The following PTPN14 variants were observed in gnomAD, a reference collection of about 807,000 sequenced individuals.
PTPN14 encodes the protein protein tyrosine phosphatase non-receptor type 14.
In PTPN14, 53 loss-of-function variants were observed where a neutral mutation model predicts 126.8. The observed-to-expected ratio is 0.42, with a 90% CI of 0.34 to 0.53. The LOEUF is 0.53. Ranked by LOEUF, PTPN14 falls within the 20% of genes least tolerant of loss-of-function variation. The pLI, the probability that PTPN14 is intolerant of heterozygous loss-of-function variation, is 0.08. For missense variants in PTPN14, 1,257 were observed against 1,552.9 expected (o/e 0.81, Z 3.20); for synonymous variants, 630 against 599.3 (o/e 1.05, Z -0.75).
chr1:214,436,546 C>T (rs1316021862), intron 3 of PTPN14, among the ~76,000 whole-genome samples: 1 of 152,060 alleles, frequency 6.6e-6, no homozygotes, highest in Non-Finnish European at 1.5e-5. Flanking sequence ...CCTGTAATCC[C>T]AGCACTTTGG....
Position 214,376,265 on chromosome 1 carries a change from G to T in PTPN14, c.2861C>A (p.Pro954Gln). ...PYEENRVELI[P>Q]TKENNTGYIN... ...GTATCCTGTGTTATTTTCTTTGGTT[G>T]GTATCAGCTCTACTCGATTCTCCTC... The change falls in exon 15 of 19, where the codon CCA becomes CAA. Residue 954 changes from proline to glutamine, a missense_variant. Coordinates refer to ENST00000366956, the MANE Select transcript of PTPN14 (RefSeq NM_005401.5). 6.2e-7 allele frequency: 1 copy of T among 1,614,122 alleles called. No individual in the cohort carries two copies. Among genetic ancestry groups the T allele is most frequent in the South Asian group, 1.1e-5 (1 of 91,082 alleles).
chr1:214,430,054 A>C (rs1301812092), intron 3 of PTPN14, among the ~76,000 whole-genome samples: 1 of 152,192 alleles, frequency 6.6e-6, no homozygotes, highest in Non-Finnish European at 1.5e-5. Context: ...AACTTTAAGA[A>C]ATTCTTTAGC....
At chr1:214,381,896 G>A (rs1658480903) in intron 13 of PTPN14, among the ~76,000 whole-genome samples, 1 of 152,112 alleles carries the variant, frequency 6.6e-6, no homozygotes, top group Admixed American at 6.5e-5. Flanking sequence ...ATGGCAAGCA[G>A]CAATGGAGAT....
At chr1:214,445,727 C>A (rs1276929751) in intron 3 of PTPN14, among the ~76,000 whole-genome samples, 1 of 151,966 alleles carries the variant, frequency 6.6e-6, no homozygotes, top group Admixed American at 6.6e-5. Flanking sequence ...TTGGAAAAAC[C>A]CCAGACCTAA....
intron 1 of PTPN14, among the ~76,000 whole-genome samples, chr1:214,467,451 T>C (rs1317680424): frequency 6.6e-6 from 1 of 152,228 alleles, no homozygotes; most frequent in African/African-American, 2.4e-5. Context: ...TACGCATTTA[T>C]CCCAGCAAAA....
intron 6 of PTPN14, among the ~76,000 whole-genome samples, chr1:214,402,650 GAA>G (rs1167745832): frequency 2.1e-5 from 2 of 94,582 alleles, no homozygotes; most frequent in African/African-American, 7.3e-5. Context: ...AGGAAGGAAG[GAA>G]GGAAGGAAGG....
At chr1:214,512,852 G>A (rs931001087) in intron 1 of PTPN14, among the ~76,000 whole-genome samples, 4 of 151,956 alleles carry the variant, frequency 2.6e-5, no homozygotes, top group Non-Finnish European at 4.4e-5. Flanking sequence ...CATCATGCCC[G>A]GTTAATTTTT....
At position 214,355,028 on chromosome 1, in the gene PTPN14, T is replaced by A. The variant is rs1004588776; in HGVS notation, c.*2894A>T. 1.3e-5 allele frequency: 2 copies of A among 152,204 alleles called. No homozygotes were observed. The highest frequency in any genetic ancestry group is 2.4e-5 in the African/African-American group (1 of 41,456). The allele number at this position is 152,204 out of a possible 1,614,324, so 9.4% of individuals were successfully genotyped here. A position where few individuals can be genotyped will look rare whatever the true frequency, so the allele number is the denominator to read the frequency against. On this transcript the variant is annotated 3_prime_UTR_variant, in exon 19 of 19. Transcript: ENST00000366956. ...TAATTTAACAGGAGATATGTTGGCATTTACTGGAGATGTGAAAAGGAATGC... is the reference window on the plus strand; with the variant it reads ...TAATTTAACAGGAGATATGTTGGCAATTACTGGAGATGTGAAAAGGAATGC...
chr1:214,498,133 T>C (rs1654581838), intron 1 of PTPN14, among the ~76,000 whole-genome samples: 1 of 152,248 alleles, frequency 6.6e-6, no homozygotes. Context: ...GAAGTATTTC[T>C]TATTTAAAAC....
Position 214,357,690 on chromosome 1 carries a change from T to G in PTPN14, c.*232A>C. 1 of 390,798 alleles carries G rather than the reference T, an allele frequency of 2.6e-6. No individual in the cohort carries two copies. The allele number at this position is 390,798 out of a possible 1,614,324, so 24.2% of individuals were successfully genotyped here. A position where few individuals can be genotyped will look rare whatever the true frequency, so the allele number is the denominator to read the frequency against. On this transcript the variant is annotated 3_prime_UTR_variant, in exon 19 of 19. Transcript: ENST00000366956. ...GTTCAAATGAAAAGTACTATATTAC[T>G]AGGGAAACTGCATTATAATAATTCA...
chr1:214,497,884 G>A (rs1654574063), intron 1 of PTPN14, among the ~76,000 whole-genome samples: 1 of 152,062 alleles, frequency 6.6e-6, no homozygotes, highest in Non-Finnish European at 1.5e-5. Context: ...ATATCAGCAT[G>A]TTGCTGTCAA....
chr1:214,352,683 T>C lies in PTPN14; in HGVS notation c.*5239A>G, dbSNP rs181246176. Reference sequence around the variant, plus strand: ...ATCTTACAGCTTTATTTCCACCCTATAGGGCCAACTAGTGTGCCAACCATA... The same window carrying C: ...ATCTTACAGCTTTATTTCCACCCTACAGGGCCAACTAGTGTGCCAACCATA... On this transcript the variant is annotated 3_prime_UTR_variant, in exon 19 of 19. Coordinates refer to ENST00000366956, the MANE Select transcript of PTPN14 (RefSeq NM_005401.5). The C allele has an allele frequency of 2.0e-5, 3 of 152,326 alleles. No individual in the cohort carries two copies. Among genetic ancestry groups the C allele is most frequent in the African/African-American group, 7.2e-5 (3 of 41,574 alleles). The allele number at this position is 152,326 out of a possible 1,614,324, so 9.4% of individuals were successfully genotyped here.
At chr1:214,447,545 T>C (rs1048455269) in intron 3 of PTPN14, among the ~76,000 whole-genome samples, 1 of 150,198 alleles carries the variant, frequency 6.7e-6, no homozygotes, top group African/African-American at 2.4e-5. Context: ...ATTCTTTTCT[T>C]CCTAACAACT....
intron 1 of PTPN14, among the ~76,000 whole-genome samples, chr1:214,472,102 C>T (rs1049181869): frequency 6.6e-6 from 1 of 152,192 alleles, no homozygotes. Context: ...GAGCTTTATA[C>T]ATGGCAGGAA....
Position 214,384,191 on chromosome 1 carries a change from G to A in PTPN14, c.1664C>T (p.Thr555Met), listed in dbSNP as rs776055399. The change falls in exon 13 of 19, where the codon ACG becomes ATG. Residue 555 changes from threonine (T) to methionine (M), a missense_variant. Around this residue, in one of 3 missense-constraint regions of PTPN14, gnomAD observed 1,021 missense variants for 1,183.3 expected, o/e 0.86. Transcript: ENST00000366956. The surrounding 1 kb of genome is among the most constrained non-coding windows in gnomAD (Gnocchi z 5.3). ...GAGATAGTTCTTAAGCATGTGGGCCGTGCTGTAGTTATGGCTGCCCTGCAG... is the reference window on the plus strand; with the variant it reads ...GAGATAGTTCTTAAGCATGTGGGCCATGCTGTAGTTATGGCTGCCCTGCAG... ...MQLQGSHNYSTAHMLKNYLFR... is the reference protein window; with the variant it reads ...MQLQGSHNYSMAHMLKNYLFR... 1.1e-5 allele frequency: 17 copies of A among 1,609,176 alleles called. No individual in the cohort carries two copies. The highest frequency in any genetic ancestry group is 6.7e-5 in the East Asian group (3 of 44,876).
At chr1:214,405,824 G>A (rs998522775) in intron 5 of PTPN14, among the ~76,000 whole-genome samples, 1 of 152,088 alleles carries the variant, frequency 6.6e-6, no homozygotes, top group Non-Finnish European at 1.5e-5. Flanking sequence ...TGCTTACAAC[G>A]AAATTAGGCT....
chr1:214,429,029 A>C (rs2102604433), intron 3 of PTPN14, among the ~76,000 whole-genome samples: 1 of 152,296 alleles, frequency 6.6e-6, no homozygotes, highest in African/African-American at 2.4e-5. Context: ...TACATTAGTA[A>C]ACTAAGTCCA....
intron 1 of PTPN14, among the ~76,000 whole-genome samples, chr1:214,495,379 G>A (rs1294302941): frequency 6.6e-6 from 1 of 152,162 alleles, no homozygotes; most frequent in East Asian, 1.9e-4. Flanking sequence ...ATTACAAGTA[G>A]GGGGACAGTG....
intron 1 of PTPN14, among the ~76,000 whole-genome samples, chr1:214,478,269 C>T (rs1660908112): frequency 6.6e-6 from 1 of 152,172 alleles, no homozygotes; most frequent in African/African-American, 2.4e-5. Context: ...GGCATATCTA[C>T]ATTATTTAGG....
Sources: allele counts gnomAD v4.1 joint callset (sites outside exome capture counted in the v4.1 genomes callset), GRCh38; gene constraint gnomAD v4.1.1; regional missense constraint gnomAD v4.1.1; non-coding constraint Gnocchi (gnomAD v3.1); transcripts MANE v1.5; gene names NCBI Gene and HGNC (gene_info 2026-07-23, HGNC 2026-07-21).